The following CELF2 variants were observed in gnomAD, a reference collection of about 807,000 sequenced individuals.
The protein encoded by CELF2 is CUG triplet repeat RNA-binding protein 2.
CELF2 carries 8 observed loss-of-function variants against 62.6 expected under a neutral mutation model. The observed-to-expected ratio is 0.13, with a 90% CI of 0.07 to 0.23. The LOEUF (loss-of-function observed/expected upper bound fraction) is 0.23. Among genes scored for constraint, CELF2 ranks in the 10% least tolerant of loss-of-function variants. CELF2 has a pLI of 1.00. For missense variants in CELF2, 333 were observed against 671.0 expected, an observed-to-expected ratio of 0.50 and a Z score of 5.56; for synonymous variants, 258 against 250.0, an observed-to-expected ratio of 1.03 and a Z score of -0.30.
the CELF2 span, among the ~76,000 whole-genome samples, chr10:10,693,467 T>G: frequency 6.4e-4 from 97 of 151,984 alleles, no homozygotes; most frequent in African/African-American, 2.2e-3. Context: ...TGGTCTAAAA[T>G]TCTCTTTTTT....
At chr10:11,043,327 C>G (rs565224133) in intron 1 of CELF2, among the ~76,000 whole-genome samples, 1 of 152,302 alleles carries the variant, frequency 6.6e-6, no homozygotes, top group Non-Finnish European at 1.5e-5. Flanking sequence ...TGCAACATTG[C>G]ATTTCAGGAA....
chr10:11,318,716 AAG>A lies in CELF2; in HGVS notation c.1097-2470_1097-2469del, dbSNP rs1186782624. On this transcript the variant is annotated intron_variant, in intron 10 of 12. Coordinates refer to ENST00000633077, the MANE Select transcript of CELF2 (RefSeq NM_001326342.2). This position sits in a 1 kb window ranked among gnomAD's most constrained non-coding sequence, Gnocchi z 5.4. Reference sequence around the variant, plus strand: ...AGAAACATTTTTGGCAAAAAGGAGAAAGAGTTCAAAGTAGGAAGATAATTTTT... The same window carrying A: ...AGAAACATTTTTGGCAAAAAGGAGAAAGTTCAAAGTAGGAAGATAATTTTT... 1 of 460,792 alleles carries A rather than the reference AAG, an allele frequency of 2.2e-6. No homozygotes were observed. The allele number at this position is 460,792 out of a possible 1,614,324, so 28.5% of individuals were successfully genotyped here.
At chr10:10,676,708 T>G in the CELF2 span, among the ~76,000 whole-genome samples, 1 of 152,192 alleles carries the variant, frequency 6.6e-6, no homozygotes, top group Non-Finnish European at 1.5e-5. Flanking sequence ...TGATTTTTTT[T>G]GTGTCTGCCT....
chr10:10,965,053 A>C (rs79587913), intron 2 of CELF2, among the ~76,000 whole-genome samples: 1 of 152,010 alleles, frequency 6.6e-6, no homozygotes, highest in African/African-American at 2.4e-5. Context: ...ATTTACTCCA[A>C]CCCAATTCTT....
the CELF2 span, among the ~76,000 whole-genome samples, chr10:10,576,309 G>A: frequency 6.6e-6 from 1 of 152,150 alleles, no homozygotes; most frequent in African/African-American, 2.4e-5. Context: ...ATAAAAGTCT[G>A]CCTAGATTAA....
intron 1 of CELF2, among the ~76,000 whole-genome samples, chr10:11,079,750 C>CCCCCCT (rs71477268): frequency 8.2e-5 from 12 of 146,180 alleles, no homozygotes; most frequent in African/African-American, 2.6e-4. Context: ...AGCCCCCCCC[C>CCCCCCT]CCTTTTTAGG....
the CELF2 span, among the ~76,000 whole-genome samples, chr10:10,662,669 T>G: frequency 6.6e-6 from 1 of 150,840 alleles, no homozygotes; most frequent in African/African-American, 2.4e-5. Context: ...ATGTCTTTCT[T>G]TAAGGAAAAT....
Position 11,256,416 on chromosome 10 carries a change from C to T in CELF2, c.404-1322C>T, listed in dbSNP as rs146232444. On this transcript the variant is annotated intron_variant, in intron 4 of 12. Coordinates refer to ENST00000633077, the MANE Select transcript of CELF2 (RefSeq NM_001326342.2). ...AAATGAAAATGAGACACTTCCTGTC[C>T]GGGGTAGGCATAAAAGAAACAGAAA... 5.3e-5 allele frequency among the ~76,000 whole-genome samples: 8 copies of T among 152,016 alleles called. No individual in the cohort carries two copies. In the East Asian group the frequency reaches 7.7e-4, roughly 15 times the overall value.
chr10:10,981,015 A>G (rs1415533932), intron 2 of CELF2, among the ~76,000 whole-genome samples: 1 of 152,214 alleles, frequency 6.6e-6, no homozygotes, highest in Non-Finnish European at 1.5e-5. Context: ...AGGTGTCACA[A>G]AATCCTGAAC....
At chr10:10,683,067 C>A in the CELF2 span, among the ~76,000 whole-genome samples, 2 of 152,110 alleles carry the variant, frequency 1.3e-5, no homozygotes, top group African/African-American at 4.8e-5. Flanking sequence ...CAAAATAGCA[C>A]CCAAATTTAA....
chr10:11,015,502 A>C (rs1184193447), upstream of CELF2, among the ~76,000 whole-genome samples: 1 of 152,234 alleles, frequency 6.6e-6, no homozygotes, highest in East Asian at 1.9e-4. This position sits in a 1 kb window ranked among gnomAD's most constrained non-coding sequence, Gnocchi z 4.8. Context: ...TTTGGCAGCC[A>C]AAGTATTTAA....
the CELF2 span, among the ~76,000 whole-genome samples, chr10:10,522,477 G>A: frequency 8.5e-5 from 13 of 152,326 alleles, no homozygotes; most frequent in African/African-American, 3.1e-4. Flanking sequence ...CACAGAGCAC[G>A]TACCATCTAC....
chr10:10,599,247 A>G, the CELF2 span, among the ~76,000 whole-genome samples: 2 of 152,164 alleles, frequency 1.3e-5, no homozygotes. Context: ...TTTTGGCTCC[A>G]CTTCTTATAA....
intron 1 of CELF2, among the ~76,000 whole-genome samples, chr10:11,068,994 A>G (rs764729623): frequency 1.3e-5 from 2 of 152,150 alleles, no homozygotes; most frequent in African/African-American, 2.4e-5. Context: ...ACATTTTCCT[A>G]TTTCATCATC....
Position 11,328,724 on chromosome 10 carries a change from G to C in CELF2, c.1439-202G>C, listed in dbSNP as rs1056430475. Among the ~76,000 whole-genome samples the C allele has an allele frequency of 6.6e-6, 1 of 152,166 alleles. No homozygotes were observed. The highest frequency in any genetic ancestry group is 2.4e-5 in the African/African-American group (1 of 41,432). ...TCCATGATGCCACATTTCCAGTCCA[G>C]CCAGCTGCTCCACAGCTGCTCAGTG... On this transcript the variant is annotated intron_variant, in intron 12 of 12. Transcript: ENST00000633077. The surrounding 1 kb of genome is among the most constrained non-coding windows in gnomAD (Gnocchi z 6.4).
the CELF2 span, among the ~76,000 whole-genome samples, chr10:10,563,226 C>T: frequency 6.6e-6 from 1 of 152,144 alleles, no homozygotes; most frequent in East Asian, 1.9e-4. Context: ...CCACCACTGT[C>T]CTCCTAGAAG....
chr10:10,812,812 T>A (rs1191445384), intron 1 of CELF2, among the ~76,000 whole-genome samples: 1 of 152,200 alleles, frequency 6.6e-6, no homozygotes, highest in Non-Finnish European at 1.5e-5. Flanking sequence ...GGTGTCAATG[T>A]CTGGAAGATA....
chr10:11,284,525 G>A (rs1260892243), intron 8 of CELF2, among the ~76,000 whole-genome samples: 1 of 151,452 alleles, frequency 6.6e-6, no homozygotes, highest in Non-Finnish European at 1.5e-5. Flanking sequence ...AGTGTGTGGT[G>A]GGTGGATGAG....
At chr10:10,894,090 T>G (rs1282916646) in intron 1 of CELF2, among the ~76,000 whole-genome samples, 5 of 151,812 alleles carry the variant, frequency 3.3e-5, no homozygotes, top group African/African-American at 4.8e-5. Flanking sequence ...ACAAAAAAAG[T>G]TTTTAACCTG....
Sources: allele counts gnomAD v4.1 joint callset (sites outside exome capture counted in the v4.1 genomes callset), GRCh38; gene constraint gnomAD v4.1.1; non-coding constraint Gnocchi (gnomAD v3.1); transcripts MANE v1.5; gene names NCBI Gene and HGNC (gene_info 2026-07-23, HGNC 2026-07-21).